The following MYOF variants were observed in gnomAD, a reference collection of about 807,000 sequenced individuals.
MYOF encodes the protein fer-1-like 3, myoferlin.
MYOF carries 244 observed loss-of-function variants against 284.2 expected under a neutral mutation model. That is an observed-to-expected ratio of 0.86 (90% CI 0.77 to 0.95). The LOEUF (loss-of-function observed/expected upper bound fraction) is 0.95. MYOF is among the 40% of genes least tolerant of loss of function. The probability of loss-of-function intolerance (pLI) is 0.00; values close to 1 mark genes in which losing one functional copy is unlikely to be tolerated. For missense variants in MYOF, 2,496 were observed against 2,560.6 expected (o/e 0.97, Z 0.54); for synonymous variants, 904 against 919.7 (o/e 0.98, Z 0.31).
chr10:93,373,002 C>CT lies in MYOF; in HGVS notation c.2384dup (p.Val796GlyfsTer8). ...TCTCACCACTGGTGGAGTACAAGAC[C>CT]TGATGTGCGGGAATTCGTGCATAGG... On this transcript the variant is annotated frameshift_variant, in exon 24 of 54. Transcript: ENST00000359263. LOFTEE classifies it high-confidence loss of function. The CT allele has an allele frequency of 6.2e-7, 1 of 1,614,168 alleles. No individual in the cohort carries two copies. Among genetic ancestry groups the CT allele is most frequent in the Non-Finnish European group, 8.5e-7 (1 of 1,180,018 alleles).
intron 5 of MYOF, among the ~76,000 whole-genome samples, chr10:93,418,770 G>A (rs1018080956): frequency 1.3e-5 from 2 of 152,216 alleles, no homozygotes; most frequent in Non-Finnish European, 2.9e-5. Flanking sequence ...ATGACTGCAC[G>A]TTTAGAGATA....
intron 40 of MYOF, 93 bp downstream of exon 40, chr10:93,337,722 C>T (rs1026431054): frequency 3.3e-5 from 35 of 1,047,030 alleles, no homozygotes; most frequent in Non-Finnish European, 2.9e-6. Context: ...TTAGCACCCA[C>T]CCAAGGGACC....
At chr10:93,462,189 C>T (rs996646559) in intron 1 of MYOF, among the ~76,000 whole-genome samples, 4 of 151,922 alleles carry the variant, frequency 2.6e-5, no homozygotes, top group African/African-American at 9.7e-5. Context: ...CCTGCCTCAG[C>T]CTCCTGAGTA....
Position 93,359,922 on chromosome 10 carries a change from C to T in MYOF, c.3031G>A (p.Ala1011Thr). 6.2e-7 allele frequency: 1 copy of T among 1,614,190 alleles called. No homozygotes were observed. Among genetic ancestry groups the T allele is most frequent in the Non-Finnish European group, 8.5e-7 (1 of 1,180,042 alleles). The stretch of plus-strand genomic sequence containing the variant: ...CTATGAGTGTGGTACATTTTCTCTG[C>T]TGCAACCCAGGATTTGGGCTTATGA... The part of the protein sequence containing the change: ...PDHKPKSWVA[A>T]EKMYHTHRRR... The change falls in exon 29 of 54, where the codon GCA becomes ACA. Residue 1011 changes from alanine (A) to threonine (T), a missense_variant. Ala to Thr is a moderately conservative substitution (Grantham distance 58). Around this residue, in one of 3 missense-constraint regions of MYOF, gnomAD observed 2,436 missense variants for 2,480.7 expected, o/e 0.98. Coordinates refer to ENST00000359263, the MANE Select transcript of MYOF (RefSeq NM_013451.4).
chr10:93,313,595 T>C (rs533374020), intron 50 of MYOF, among the ~76,000 whole-genome samples: 9 of 152,176 alleles, frequency 5.9e-5, no homozygotes, highest in African/African-American at 1.9e-4. Flanking sequence ...GTAAAGACAA[T>C]AGGTGCTTAG....
chr10:93,446,674 T>C (rs1011451501), intron 3 of MYOF, among the ~76,000 whole-genome samples: 5 of 152,022 alleles, frequency 3.3e-5, no homozygotes, highest in African/African-American at 4.8e-5. Flanking sequence ...ATTTACCTTT[T>C]TCTGTTATGC....
At chr10:93,389,954 T>A (rs1264830471) in intron 17 of MYOF, among the ~76,000 whole-genome samples, 1 of 152,168 alleles carries the variant, frequency 6.6e-6, no homozygotes, top group Non-Finnish European at 1.5e-5. Flanking sequence ...TACAGGGAGA[T>A]CAGCTTTGGT....
chr10:93,362,083 G>A (rs1385211877), intron 27 of MYOF, among the ~76,000 whole-genome samples: 1 of 151,800 alleles, frequency 6.6e-6, no homozygotes. Flanking sequence ...TGAGTAGCTG[G>A]GATTTACAGG....
intron 53 of MYOF, among the ~76,000 whole-genome samples, chr10:93,307,405 A>G (rs977293238): frequency 4.7e-5 from 7 of 150,354 alleles, no homozygotes; most frequent in African/African-American, 1.7e-4. Flanking sequence ...ACGCCATGCC[A>G]TTCTCCTGCC....
At chr10:93,441,561 CTTTTTTTT>C (rs148461507) in intron 3 of MYOF, among the ~76,000 whole-genome samples, 3 of 125,066 alleles carry the variant, frequency 2.4e-5, no homozygotes, top group Non-Finnish European at 5.1e-5. Flanking sequence ...ATTTTTGTAT[CTTTTTTTT>C]TTTTTTTTTT....
Position 93,409,711 on chromosome 10 carries a change from TTCA to T in MYOF, c.459_461del (p.Asp153del). 1 of 1,614,158 alleles carries T rather than the reference TTCA, an allele frequency of 6.2e-7. No homozygotes were observed. The highest frequency in any genetic ancestry group is 1.3e-5 in the African/African-American group (1 of 75,048). ...CCCTGACTGCATTGTCCAACCTGTC[TTCA>T]TCACCTTCATCTTCTTCCCCATCTC... On this transcript the variant is annotated inframe_deletion, in exon 6 of 54. Coordinates refer to ENST00000359263, the MANE Select transcript of MYOF (RefSeq NM_013451.4).
At chr10:93,442,210 C>T (rs2056288100) in intron 3 of MYOF, among the ~76,000 whole-genome samples, 1 of 152,130 alleles carries the variant, frequency 6.6e-6, no homozygotes, top group South Asian at 2.1e-4. Context: ...CTGACGGACT[C>T]ATAGTTGATA....
At chr10:93,328,097 G>C (rs1353081042) in intron 45 of MYOF, among the ~76,000 whole-genome samples, 1 of 152,054 alleles carries the variant, frequency 6.6e-6, no homozygotes, top group Non-Finnish European at 1.5e-5. Context: ...ACAATGTCAC[G>C]AATCAAGCTG....
chr10:93,421,838 A>G (rs1241032655), intron 5 of MYOF, among the ~76,000 whole-genome samples: 1 of 152,192 alleles, frequency 6.6e-6, no homozygotes, highest in African/African-American at 2.4e-5. Flanking sequence ...AGCCTCAGGT[A>G]TTCCTTTATA....
At chr10:93,478,320 C>A in intron 1 of MYOF, 1 of 209,196 alleles carries the variant, frequency 4.8e-6, no homozygotes, top group Non-Finnish European at 9.8e-6. Context: ...AGAATGGCCA[C>A]CCCTGGCTCA....
At chr10:93,429,818 T>G (rs774742689) in intron 4 of MYOF, among the ~76,000 whole-genome samples, 2 of 152,226 alleles carry the variant, frequency 1.3e-5, no homozygotes, top group Non-Finnish European at 2.9e-5. Flanking sequence ...GAGTGCTTCT[T>G]ATTAATTATA....
chr10:93,343,564 T>TGATATCTA (rs1282844163), intron 38 of MYOF, among the ~76,000 whole-genome samples: 1 of 152,246 alleles, frequency 6.6e-6, no homozygotes, highest in African/African-American at 2.4e-5. Flanking sequence ...AAAAACATAC[T>TGATATCTA]GATATCTAGG....
chr10:93,430,549 T>C (rs1435315396), intron 4 of MYOF, among the ~76,000 whole-genome samples: 2 of 138,646 alleles, frequency 1.4e-5, no homozygotes, highest in African/African-American at 2.7e-5. Context: ...GCCACTGCCC[T>C]CCAGCCTGGG....
chr10:93,339,749 G>A (rs988340956), intron 39 of MYOF, among the ~76,000 whole-genome samples: 1 of 151,998 alleles, frequency 6.6e-6, no homozygotes, highest in Non-Finnish European at 1.5e-5. Flanking sequence ...GATTATAGGC[G>A]TGAGCCACTG....
Sources: gnomAD v4.1 joint callset for allele counts (sites outside exome capture counted in the v4.1 genomes callset) on GRCh38, gnomAD v4.1.1 for gene constraint, gnomAD v4.1.1 regional missense constraint, MANE v1.5 for transcripts, NCBI Gene and HGNC (gene_info 2026-07-23, HGNC 2026-07-21) for gene names.